Variants in MITF observed in about 807,000 individuals in gnomAD.
The protein encoded by MITF is microphthalmia-associated transcription factor.
Under a neutral mutation model 60.5 loss-of-function variants are expected in MITF, and 17 were observed. That is an observed-to-expected ratio of 0.28 (90% confidence interval 0.19 to 0.42). The LOEUF (loss-of-function observed/expected upper bound fraction) is 0.42, where lower values mean the gene tolerates loss of function less well. Ranked by LOEUF, MITF falls within the 10% of genes least tolerant of loss-of-function variation. MITF has a pLI of 1.00. For missense variants in MITF, 622 were observed against 683.5 expected (o/e 0.91, Z 1.00); for synonymous variants, 260 against 248.5 (o/e 1.05, Z -0.43).
chr3:69,751,349 G>A (rs1316084824), intron 1 of MITF, among the ~76,000 whole-genome samples: 1 of 152,138 alleles, frequency 6.6e-6, no homozygotes, highest in African/African-American at 2.4e-5. Context: ...TCACAAATGA[G>A]GATGTCCTGA....
At chr3:69,930,272 G>T (rs9917686) in intron 2 of MITF, among the ~76,000 whole-genome samples, 2,310 of 152,070 alleles carry the variant, frequency 0.015, 25 homozygotes, top group Middle Eastern at 0.051. Context: ...AATCAAGCTC[G>T]GATCCTTGAG....
intron 1 of MITF, among the ~76,000 whole-genome samples, chr3:69,788,996 A>G (rs2062696623): frequency 6.6e-6 from 1 of 152,198 alleles, no homozygotes; most frequent in South Asian, 2.1e-4. Flanking sequence ...AACTCCTAGA[A>G]GAAGATGTAT....
At chr3:69,774,670 G>A (rs1300581014) in intron 1 of MITF, among the ~76,000 whole-genome samples, 2 of 152,158 alleles carry the variant, frequency 1.3e-5, no homozygotes, top group Non-Finnish European at 2.9e-5. Context: ...AGGTAGAAGG[G>A]CTGCCACTTT....
intron 7 of MITF, among the ~76,000 whole-genome samples, chr3:69,953,154 A>G (rs2066298663): frequency 6.6e-6 from 1 of 152,174 alleles, no homozygotes; most frequent in African/African-American, 2.4e-5. Context: ...CTTATCTTTT[A>G]ACCAAGAGAT....
chr3:69,751,097 G>T (rs559283776), intron 1 of MITF, among the ~76,000 whole-genome samples: 2 of 152,166 alleles, frequency 1.3e-5, no homozygotes, highest in African/African-American at 4.8e-5. Flanking sequence ...CACTCTAAAA[G>T]TGTGAAACTT....
chr3:69,898,014 A>AT (rs2064914680), intron 2 of MITF, among the ~76,000 whole-genome samples: 1 of 152,176 alleles, frequency 6.6e-6, no homozygotes, highest in Non-Finnish European at 1.5e-5. Context: ...ACAGTGAAAA[A>AT]CAGATTTTCA....
intron 4 of MITF, among the ~76,000 whole-genome samples, chr3:69,939,791 G>A (rs1230691749): frequency 6.6e-6 from 1 of 151,894 alleles, no homozygotes; most frequent in African/African-American, 2.4e-5. Flanking sequence ...TTTGTCATAA[G>A]AGAAAAAAAT....
chr3:69,961,757 A>T (rs2066555249), intron 9 of MITF, among the ~76,000 whole-genome samples: 2 of 152,264 alleles, frequency 1.3e-5, no homozygotes, highest in South Asian at 4.1e-4. Flanking sequence ...GCTTGTACTA[A>T]TGTGTTGTTT....
At chr3:69,918,923 A>G (rs2065399501) in intron 2 of MITF, among the ~76,000 whole-genome samples, 1 of 152,172 alleles carries the variant, frequency 6.6e-6, no homozygotes, top group African/African-American at 2.4e-5. Flanking sequence ...ATCATGTTCT[A>G]TATTAGGGAA....
chr3:69,913,170 A>G (rs1559715869), intron 2 of MITF, among the ~76,000 whole-genome samples: 1 of 152,104 alleles, frequency 6.6e-6, no homozygotes, highest in Non-Finnish European at 1.5e-5. Context: ...ATTCTATTTG[A>G]ATTAGCCTAT....
At chr3:69,845,399 G>A (rs1333139752) in intron 1 of MITF, among the ~76,000 whole-genome samples, 1 of 148,646 alleles carries the variant, frequency 6.7e-6, no homozygotes, top group East Asian at 1.9e-4. Flanking sequence ...TCAGAGCTCT[G>A]CAATTCTTTG....
chr3:69,770,863 A>G (rs1028451218), intron 1 of MITF, among the ~76,000 whole-genome samples: 1 of 152,204 alleles, frequency 6.6e-6, no homozygotes, highest in Non-Finnish European at 1.5e-5. Context: ...CTTTGAAGGT[A>G]ATATGTGAGA....
rs538771506 is a variant in MITF at position 69,811,389 on chromosome 3, G to A, written c.105-67745G>A. On this transcript the variant is annotated intron_variant, in intron 1 of 9. Coordinates refer to ENST00000352241, the MANE Select transcript of MITF (RefSeq NM_001354604.2). ...TTCTGAGAACCCAGGTGCATGGACT[G>A]TAGGCATGACTGCCACAGTGCATCT... Among the ~76,000 whole-genome samples the A allele has an allele frequency of 5.3e-5, 8 of 152,292 alleles. No homozygotes were observed. The South Asian group carries it at 1.5e-3, about 28-fold the overall frequency.
At chr3:69,824,797 T>G (rs2063329381) in intron 1 of MITF, among the ~76,000 whole-genome samples, 1 of 152,202 alleles carries the variant, frequency 6.6e-6, no homozygotes. Flanking sequence ...TGGGCTGTTT[T>G]GTAGCAGGGT....
rs2107478831 is a variant in MITF at position 69,937,867 on chromosome 3, G to A, written c.400G>A (p.Ala134Thr). 1 of 1,614,070 alleles carries A rather than the reference G, an allele frequency of 6.2e-7. No individual in the cohort carries two copies. Among genetic ancestry groups the A allele is most frequent in the Non-Finnish European group, 8.5e-7 (1 of 1,179,982 alleles). ...CCCCACCAAGTACCACATACAGCAAGCCCAACGGCAGCAGGTAAAGCAGTA... is the reference window on the plus strand; with the variant it reads ...CCCCACCAAGTACCACATACAGCAAACCCAACGGCAGCAGGTAAAGCAGTA... ...ENPTKYHIQQAQRQQVKQYLS... is the reference protein window; with the variant it reads ...ENPTKYHIQQTQRQQVKQYLS... Residue 134 changes from alanine (A) to threonine (T), a missense_variant, in exon 3 of 10, where the codon GCC becomes ACC. Physicochemically the swap from Ala to Thr is moderately conservative, Grantham distance 58. Around this residue, in one of 5 missense-constraint regions of MITF, gnomAD observed 215 missense variants for 224.8 expected, o/e 0.96. Coordinates refer to ENST00000352241, the MANE Select transcript of MITF (RefSeq NM_001354604.2).
chr3:69,770,904 TG>T (rs1459192865), intron 1 of MITF, among the ~76,000 whole-genome samples: 2 of 152,196 alleles, frequency 1.3e-5, no homozygotes, highest in Non-Finnish European at 2.9e-5. Context: ...TGATTTCATT[TG>T]GGAAATGAAA....
intron 1 of MITF, among the ~76,000 whole-genome samples, chr3:69,745,548 C>G (rs1049460036): frequency 6.6e-6 from 1 of 152,176 alleles, no homozygotes. Context: ...TTTCTCTACA[C>G]TAAGTAAAAT....
intron 1 of MITF, among the ~76,000 whole-genome samples, chr3:69,871,571 A>T (rs2064237650): frequency 6.6e-6 from 1 of 152,248 alleles, no homozygotes; most frequent in Non-Finnish European, 1.5e-5. Context: ...AGGTGTACCC[A>T]TTCACTGCTC....
chr3:69,847,607 G>GA (rs559599457), intron 1 of MITF, among the ~76,000 whole-genome samples: 2 of 152,120 alleles, frequency 1.3e-5, no homozygotes, highest in African/African-American at 4.8e-5. Flanking sequence ...ACAGAAGTAT[G>GA]AAAAAAAATC....
Sources: gnomAD v4.1 joint callset for allele counts (sites outside exome capture counted in the v4.1 genomes callset) on GRCh38, gnomAD v4.1.1 for gene constraint, gnomAD v4.1.1 regional missense constraint, MANE v1.5 for transcripts, NCBI Gene and HGNC (gene_info 2026-07-23, HGNC 2026-07-21) for gene names.